Variants in VEGFC observed in about 807,000 individuals in gnomAD.
VEGFC encodes the protein vascular endothelial growth factor C.
Under a neutral mutation model 46.1 loss-of-function variants are expected in VEGFC, and 12 were observed. The ratio of observed to expected loss-of-function variants is 0.26; its 90% CI spans 0.17 to 0.42. VEGFC has a LOEUF of 0.42. VEGFC is among the 10% of genes least tolerant of loss of function. The pLI is 1.00. For missense variants in VEGFC, 488 were observed against 529.4 expected (o/e 0.92, Z 0.77); for synonymous variants, 232 against 195.5 (o/e 1.19, Z -1.56).
At chr4:176,706,389 G>C (rs1183598604) in intron 4 of VEGFC, among the ~76,000 whole-genome samples, 1 of 152,072 alleles carries the variant, frequency 6.6e-6, no homozygotes, top group Non-Finnish European at 1.5e-5. Flanking sequence ...AGCACTTTGG[G>C]AGGCCGAGGC....
chr4:176,709,438 G>T (rs1028630027), intron 4 of VEGFC, among the ~76,000 whole-genome samples: 2 of 152,206 alleles, frequency 1.3e-5, no homozygotes, highest in Non-Finnish European at 2.9e-5. Context: ...ATAAAGCCAT[G>T]TGAGGATGAA....
At chr4:176,791,341 CTT>C (rs952039131) in intron 1 of VEGFC, among the ~76,000 whole-genome samples, 13 of 152,066 alleles carry the variant, frequency 8.5e-5, no homozygotes, top group African/African-American at 3.1e-4. Flanking sequence ...AAGATATACT[CTT>C]TTGGAAGAGC....
chr4:176,733,236 C>G (rs1734997410), intron 1 of VEGFC, among the ~76,000 whole-genome samples: 1 of 151,848 alleles, frequency 6.6e-6, no homozygotes, highest in South Asian at 2.1e-4. Flanking sequence ...CATATACTTA[C>G]TAAAATTTCA....
Position 176,792,026 on chromosome 4 carries a change from C to A in VEGFC, c.147+139G>T, listed in dbSNP as rs892123172. 1.3e-5 allele frequency: 15 copies of A among 1,162,582 alleles called. No individual in the cohort carries two copies. The highest frequency in any genetic ancestry group is 1.7e-5 in the Non-Finnish European group (15 of 900,014). The allele number at this position is 1,162,582 out of a possible 1,614,324, so 72.0% of individuals were successfully genotyped here. On this transcript the variant is annotated intron_variant, in intron 1 of 6. Transcript: ENST00000618562. The surrounding 1 kb of genome is among the most constrained non-coding windows in gnomAD (Gnocchi z 6.3). ...AGAAGAAGATTTTTCTCCAAAGCAG[C>A]GTGCACTGAGCTCAGTAACTTTGGA...
chr4:176,722,623 C>T (rs1170036453), intron 3 of VEGFC, among the ~76,000 whole-genome samples: 3 of 151,770 alleles, frequency 2.0e-5, no homozygotes, highest in African/African-American at 4.8e-5. Context: ...AGCTACCTCC[C>T]GCGTAGCTGG....
intron 4 of VEGFC, 89 bp downstream of exon 4, chr4:176,711,410 A>G (rs1430610014): frequency 7.1e-6 from 10 of 1,407,646 alleles, no homozygotes; most frequent in South Asian, 4.7e-5. Flanking sequence ...AGTAAATTTC[A>G]CAGAGGTTAT....
At chr4:176,735,828 A>G (rs1290613660) in intron 1 of VEGFC, among the ~76,000 whole-genome samples, 3 of 151,890 alleles carry the variant, frequency 2.0e-5, no homozygotes, top group African/African-American at 4.8e-5. Context: ...CAAAATCATC[A>G]TTTGAGAGGA....
chr4:176,686,342 C>T (rs941889028), intron 6 of VEGFC, among the ~76,000 whole-genome samples: 1 of 152,098 alleles, frequency 6.6e-6, no homozygotes, highest in Non-Finnish European at 1.5e-5. Context: ...AAAACAAATG[C>T]CTCGTTTTTG....
intron 6 of VEGFC, 121 bp from the exon 7 acceptor site, chr4:176,684,161 A>C: frequency 1.3e-6 from 1 of 754,340 alleles, no homozygotes; most frequent in Non-Finnish European, 2.2e-6. Context: ...TTTTATGACG[A>C]AATTGTTCAT....
intron 1 of VEGFC, among the ~76,000 whole-genome samples, chr4:176,766,759 C>G (rs985396625): frequency 6.6e-6 from 1 of 151,988 alleles, no homozygotes; most frequent in Non-Finnish European, 1.5e-5. Flanking sequence ...GAGAAATATG[C>G]TAGGTTACCT....
intron 1 of VEGFC, among the ~76,000 whole-genome samples, chr4:176,777,108 T>C (rs555595350): frequency 1.3e-5 from 2 of 152,040 alleles, no homozygotes; most frequent in Non-Finnish European, 2.9e-5. Flanking sequence ...GGTCAGGAGA[T>C]CCAGACCATC....
chr4:176,699,158 C>T (rs978056509), intron 4 of VEGFC, among the ~76,000 whole-genome samples: 5 of 152,128 alleles, frequency 3.3e-5, no homozygotes, highest in African/African-American at 4.8e-5. Context: ...AAAAATTTGG[C>T]TTACCATGTG....
chr4:176,735,582 A>C (rs1180688955), intron 1 of VEGFC, among the ~76,000 whole-genome samples: 1 of 151,932 alleles, frequency 6.6e-6, no homozygotes, highest in Non-Finnish European at 1.5e-5. Context: ...CCAGAAATTA[A>C]ATTCCTATTT....
At chr4:176,768,024 A>G (rs1457440147) in intron 1 of VEGFC, among the ~76,000 whole-genome samples, 1 of 152,188 alleles carries the variant, frequency 6.6e-6, no homozygotes. Flanking sequence ...CAAGGATGAT[A>G]CCATGAATTT....
At chr4:176,752,117 G>A (rs547237723) in intron 1 of VEGFC, among the ~76,000 whole-genome samples, 6 of 151,750 alleles carry the variant, frequency 4.0e-5, no homozygotes, top group African/African-American at 7.3e-5. Flanking sequence ...ATGAAATTGC[G>A]TTAAAATTTT....
chr4:176,762,558 TTC>T (rs1208307630), intron 1 of VEGFC, among the ~76,000 whole-genome samples: 2 of 152,304 alleles, frequency 1.3e-5, no homozygotes, highest in African/African-American at 4.8e-5. Flanking sequence ...GTTTTAGGTA[TTC>T]TGTCACAGCA....
At chr4:176,780,387 A>C (rs200197829) in intron 1 of VEGFC, among the ~76,000 whole-genome samples, 3 of 114,768 alleles carry the variant, frequency 2.6e-5, no homozygotes, top group Admixed American at 1.0e-4. Flanking sequence ...ATCTCAAAAA[A>C]AAAAAAAAAA....
chr4:176,723,503 GGGT>G (rs2111011539), intron 3 of VEGFC, among the ~76,000 whole-genome samples: 1 of 132,300 alleles, frequency 7.6e-6, no homozygotes, highest in African/African-American at 3.3e-5. Context: ...GCAGGTTTGT[GGGT>G]CCATGTGCAG....
chr4:176,721,991 C>T (rs1187148731), intron 3 of VEGFC, among the ~76,000 whole-genome samples: 1 of 151,964 alleles, frequency 6.6e-6, no homozygotes, highest in East Asian at 1.9e-4. Context: ...ATTTTTAATT[C>T]TCAAAATCTT....
Sources: allele counts gnomAD v4.1 joint callset (sites outside exome capture counted in the v4.1 genomes callset), GRCh38; gene constraint gnomAD v4.1.1; non-coding constraint Gnocchi (gnomAD v3.1); transcripts MANE v1.5; gene names NCBI Gene and HGNC (gene_info 2026-07-23, HGNC 2026-07-21).